Variants in TVP23C observed in about 807,000 individuals in gnomAD.
TVP23C encodes the protein trans-golgi network vesicle protein 23 homolog C, also known as Golgi apparatus membrane protein TVP23 homolog C.
TVP23C carries 19 observed loss-of-function variants against 28.7 expected under a neutral mutation model. The ratio of observed to expected loss-of-function variants is 0.66; its 90% CI spans 0.46 to 0.97. The LOEUF (loss-of-function observed/expected upper bound fraction) is 0.97, where lower values mean the gene tolerates loss of function less well. Among genes scored for constraint, TVP23C ranks in the 50% least tolerant of loss-of-function variants. The pLI is 0.00. For synonymous variants in TVP23C, 68 were observed against 81.7 expected (o/e 0.83, Z 0.90); for missense variants, 186 against 241.3 (o/e 0.77, Z 1.52).
intron 5 of TVP23C, among the ~76,000 whole-genome samples, chr17:15,529,811 G>GT (rs1162290551): frequency 7.9e-5 from 12 of 151,816 alleles, no homozygotes; most frequent in Admixed American, 3.3e-4. Context: ...TGTTTTTTGG[G>GT]TTTTTTTTGG....
chr17:15,503,224 A>T, exon 6 of TVP23C: 1 of 1,512,022 alleles, frequency 6.6e-7, no homozygotes, highest in Non-Finnish European at 8.8e-7. Flanking sequence ...CAATGTGGCG[A>T]GACCGTCTCT....
intron 3 of TVP23C, among the ~76,000 whole-genome samples, chr17:15,553,132 T>C (rs1484847055): frequency 5.7e-5 from 8 of 141,150 alleles, no homozygotes; most frequent in Non-Finnish European, 1.2e-4. Flanking sequence ...CCACTAGATG[T>C]CAATAGCACA....
chr17:15,527,066 C>T (rs1982760256), intron 5 of TVP23C, among the ~76,000 whole-genome samples: 2 of 152,140 alleles, frequency 1.3e-5, no homozygotes, highest in Non-Finnish European at 2.9e-5. Context: ...ATCTGACCTT[C>T]CAAGAAATCA....
intron 5 of TVP23C, among the ~76,000 whole-genome samples, chr17:15,542,665 C>T (rs548331251): frequency 6.6e-6 from 1 of 151,994 alleles, no homozygotes; most frequent in Non-Finnish European, 1.5e-5. Flanking sequence ...TTAGTAGAGA[C>T]AGGGTTTCAC....
At chr17:15,546,369 C>A (rs1181911522) in intron 4 of TVP23C, among the ~76,000 whole-genome samples, 2 of 151,842 alleles carry the variant, frequency 1.3e-5, no homozygotes, top group Non-Finnish European at 2.9e-5. Flanking sequence ...TTAGCAATAC[C>A]CAGGAATTTA....
chr17:15,515,195 G>A (rs913133335), intron 5 of TVP23C, among the ~76,000 whole-genome samples: 1 of 152,054 alleles, frequency 6.6e-6, no homozygotes, highest in African/African-American at 2.4e-5. Flanking sequence ...GGAAAAACGT[G>A]CAAAGGTATA....
intron 1 of TVP23C, chr17:15,562,362 G>C (rs1441598107): frequency 6.6e-6 from 1 of 152,432 alleles, no homozygotes; most frequent in Admixed American, 6.5e-5. Flanking sequence ...GGGACTACAG[G>C]CGTGCATCAT....
chr17:15,503,072 A>T (rs1270620735), exon 6 of TVP23C: 9 of 1,614,138 alleles, frequency 5.6e-6, no homozygotes, highest in Non-Finnish European at 7.6e-6. Context: ...TCGATCCGTG[A>T]TCCTCGTGAA....
chr17:15,547,261 A>G, intron 3 of TVP23C, 113 bp from the exon 4 acceptor site: 1 of 1,482,078 alleles, frequency 6.7e-7, no homozygotes, highest in Non-Finnish European at 9.1e-7. Flanking sequence ...CTTTACCTCC[A>G]TAATATCCAG....
At chr17:15,557,987 G>T (rs1014905083) in intron 1 of TVP23C, among the ~76,000 whole-genome samples, 14 of 149,048 alleles carry the variant, frequency 9.4e-5, no homozygotes, top group African/African-American at 3.4e-4. Flanking sequence ...AATGGATTCA[G>T]ATCTATGAAA....
chr17:15,529,344 C>T (rs1013701912), intron 5 of TVP23C, among the ~76,000 whole-genome samples: 4 of 151,814 alleles, frequency 2.6e-5, no homozygotes, highest in African/African-American at 9.7e-5. Context: ...CCCAGCTAAT[C>T]GGGAGGCTGA....
intron 5 of TVP23C, chr17:15,506,897 C>T (rs1981775724): frequency 1.1e-6 from 1 of 892,306 alleles, no homozygotes; most frequent in Non-Finnish European, 1.8e-6. Flanking sequence ...TTCAACATCG[C>T]CATCAACGGG....
In TVP23C at chr17:15,563,420, C is replaced by G. The variant is rs191004702; in HGVS notation, c.12+17G>C. ...CCCAGGAGCCGCCACCCTCCCAGCG[C>G]GCCCTCAGCCCCTCACCTGCTGCAA... On this transcript the variant is annotated intron_variant, in intron 1 of 5. Transcript: ENST00000518321. The G allele has an allele frequency of 1.7e-5, 27 of 1,591,044 alleles. No homozygotes were observed. In the South Asian group the frequency reaches 2.7e-4, roughly 16 times the overall value.
intron 3 of TVP23C, among the ~76,000 whole-genome samples, chr17:15,550,902 C>T (rs922580223): frequency 1.3e-5 from 2 of 152,056 alleles, no homozygotes; most frequent in African/African-American, 4.8e-5. Context: ...TCTTAGTATT[C>T]TTGTCTTTAA....
intron 5 of TVP23C, among the ~76,000 whole-genome samples, chr17:15,522,143 T>C (rs2150836151): frequency 6.6e-6 from 1 of 152,298 alleles, no homozygotes; most frequent in South Asian, 2.1e-4. Flanking sequence ...TTACTACAGA[T>C]TCTACCTCAC....
intron 5 of TVP23C, among the ~76,000 whole-genome samples, chr17:15,527,852 T>C (rs1445657192): frequency 6.6e-6 from 1 of 152,256 alleles, no homozygotes; most frequent in African/African-American, 2.4e-5. Context: ...AAAGCACTTT[T>C]TGGAGAAAAA....
chr17:15,525,230 C>T (rs1488705011), intron 5 of TVP23C, among the ~76,000 whole-genome samples: 8 of 152,166 alleles, frequency 5.3e-5, no homozygotes, highest in Non-Finnish European at 1.2e-4. Context: ...CATTAGGTGC[C>T]CGGCACTGGG....
chr17:15,542,711 G>C (rs1452589325), intron 5 of TVP23C, among the ~76,000 whole-genome samples: 2 of 152,100 alleles, frequency 1.3e-5, no homozygotes, highest in Admixed American at 6.5e-5. Context: ...TCCTGACCTC[G>C]TGATCCGCCC....
chr17:15,518,837 G>A (rs543427256), intron 5 of TVP23C, among the ~76,000 whole-genome samples: 14 of 152,222 alleles, frequency 9.2e-5, no homozygotes, highest in Admixed American at 8.5e-4. Context: ...ATATGGTTTG[G>A]CTCTGTGACC....
Sources: gnomAD v4.1 joint callset for allele counts (sites outside exome capture counted in the v4.1 genomes callset) on GRCh38, gnomAD v4.1.1 for gene constraint, MANE v1.5 for transcripts, NCBI Gene and HGNC (gene_info 2026-07-23, HGNC 2026-07-21) for gene names.